TOB2: variants seen among roughly 807,000 people sequenced by gnomAD.
The protein encoded by TOB2 is protein Tob2.
Under a neutral mutation model 17.3 loss-of-function variants are expected in TOB2, and 3 were observed. The observed-to-expected ratio is 0.17, with a 90% CI of 0.08 to 0.45. The LOEUF is 0.45. Among genes scored for constraint, TOB2 ranks in the 20% least tolerant of loss-of-function variants. The probability of loss-of-function intolerance (pLI) is 0.99; values close to 1 mark genes in which losing one functional copy is unlikely to be tolerated. For missense variants in TOB2, 407 were observed against 445.7 expected (o/e 0.91, Z 0.78); for synonymous variants, 163 against 185.6 (o/e 0.88, Z 0.99).
rs1235789089 is a variant in TOB2 at position 41,445,757 on chromosome 22, C to CT, written c.-63+621dup. On this transcript the variant is annotated intron_variant, in intron 1 of 1. Transcript: ENST00000327492. Reference sequence around the variant, plus strand: ...ACTCACTGGCACTGCTCTAAGGGTACTTTTTTCTGCCCAATTTTCCATTAA... The same window carrying CT: ...ACTCACTGGCACTGCTCTAAGGGTACTTTTTTTCTGCCCAATTTTCCATTAA... 2.0e-4 allele frequency among the ~76,000 whole-genome samples: 30 copies of CT among 152,302 alleles called. No homozygotes were observed. In the East Asian group the frequency reaches 4.1e-3, roughly 21 times the overall value.
intron 1 of TOB2, among the ~76,000 whole-genome samples, chr22:41,439,824 C>T (rs1173367439): frequency 6.6e-6 from 1 of 151,794 alleles, no homozygotes; most frequent in Admixed American, 6.6e-5. Context: ...CCTTAAGGGG[C>T]ATTTTTGGGA....
At chr22:41,443,437 A>G (rs1289512667) in intron 1 of TOB2, among the ~76,000 whole-genome samples, 1 of 151,862 alleles carries the variant, frequency 6.6e-6, no homozygotes, top group Non-Finnish European at 1.5e-5. Flanking sequence ...CTCCCGCCTC[A>G]GCCTCCCGAG....
Position 41,436,407 on chromosome 22 carries a change from G to A in TOB2, c.939C>T (p.Phe313=). Residue 313 remains phenylalanine, a synonymous_variant, in exon 2 of 2, where the codon TTC becomes TTT. Coordinates refer to ENST00000327492, the MANE Select transcript of TOB2 (RefSeq NM_016272.4). The surrounding 1 kb of genome is among the most constrained non-coding windows in gnomAD (Gnocchi z 4.8). The part of the protein sequence containing the change: ...QVFGGGANSL[F]LEKTPFVEGL... ...CTTCCACAAAGGGTGTCTTCTCCAG[G>A]AAGAGGCTGTTGGCACCACCTCCAA... The A allele has an allele frequency of 1.9e-6, 3 of 1,614,180 alleles. No individual in the cohort carries two copies. Among genetic ancestry groups the A allele is most frequent in the Non-Finnish European group, 2.5e-6 (3 of 1,180,004 alleles).
At chr22:41,445,751 AG>A (rs974887006) in intron 1 of TOB2, among the ~76,000 whole-genome samples, 1 of 152,158 alleles carries the variant, frequency 6.6e-6, no homozygotes, top group African/African-American at 2.4e-5. Flanking sequence ...CACTGCTCTA[AG>A]GGTACTTTTT....
At chr22:41,439,953 GAGA>G (rs2037595424) in intron 1 of TOB2, among the ~76,000 whole-genome samples, 3 of 152,142 alleles carry the variant, frequency 2.0e-5, no homozygotes, top group Non-Finnish European at 4.4e-5. Flanking sequence ...CTGAGGAACA[GAGA>G]AGGTCACATG....
intron 1 of TOB2, among the ~76,000 whole-genome samples, chr22:41,442,829 G>C (rs2037634032): frequency 6.6e-6 from 1 of 152,078 alleles, no homozygotes; most frequent in African/African-American, 2.4e-5. Flanking sequence ...ATGGAAGTAT[G>C]GTAAGATTAG....
chr22:41,437,377 G>T lies in TOB2; in HGVS notation c.-32C>A, dbSNP rs746179692. 6.9e-6 allele frequency: 11 copies of T among 1,590,922 alleles called. No individual in the cohort carries two copies. The East Asian group carries it at 1.3e-4, about 19-fold the overall frequency. ...TTCCTAGGCAGAGAATCAGCACAGG[G>T]CACGTGTACAGCCTTGGGCTCCAGG... On this transcript the variant is annotated 5_prime_UTR_variant, in exon 2 of 2. Transcript: ENST00000327492.
At chr22:41,441,596 T>TG (rs2037621591) in intron 1 of TOB2, among the ~76,000 whole-genome samples, 1 of 151,844 alleles carries the variant, frequency 6.6e-6, no homozygotes, top group Admixed American at 6.6e-5. Flanking sequence ...CTGGCCAACG[T>TG]GGCGAAACCC....
Position 41,436,722 on chromosome 22 carries a change from C to G in TOB2, c.624G>C (p.Ala208=). Residue 208 remains alanine (A), a synonymous_variant, in exon 2 of 2, where the codon GCG becomes GCC. Transcript: ENST00000327492. This position sits in a 1 kb window ranked among gnomAD's most constrained non-coding sequence, Gnocchi z 4.8. The part of the protein sequence containing the change: ...ASGGGVASSG[A]GGQQPPQQPR... ...GCTGCTGTGGTGGCTGCTGGCCACC[C>G]GCCCCACTGCTGGCTACACCCCCAC... 6.2e-7 allele frequency: 1 copy of G among 1,613,012 alleles called. No homozygotes were observed. The highest frequency in any genetic ancestry group is 2.2e-5 in the East Asian group (1 of 44,866).
Position 41,436,442 on chromosome 22 carries a change from C to A in TOB2, c.904G>T (p.Ala302Ser), listed in dbSNP as rs761931997. 1 of 1,614,214 alleles carries A rather than the reference C, an allele frequency of 6.2e-7. No individual in the cohort carries two copies. ...TTGGCACCACCTCCAAATACCTGGG[C>A]CATGTCAAAGCTGCTGCTGTTGCAG... ...GTCNSSSFDMAQVFGGGANSL... is the reference protein window; with the variant it reads ...GTCNSSSFDMSQVFGGGANSL... The change falls in exon 2 of 2, where the codon GCC becomes TCC. Residue 302 changes from alanine to serine, a missense_variant. Coordinates refer to ENST00000327492, the MANE Select transcript of TOB2 (RefSeq NM_016272.4). The surrounding 1 kb of genome is among the most constrained non-coding windows in gnomAD (Gnocchi z 4.8).
chr22:41,444,360 G>C (rs1009558285), intron 1 of TOB2, among the ~76,000 whole-genome samples: 4 of 152,198 alleles, frequency 2.6e-5, no homozygotes. Flanking sequence ...GCCCCTTTCG[G>C]CTATGAAGAC....
chr22:41,440,048 T>C (rs1330065516), intron 1 of TOB2, among the ~76,000 whole-genome samples: 1 of 152,132 alleles, frequency 6.6e-6, no homozygotes, highest in Non-Finnish European at 1.5e-5. Context: ...CTGGTTTCCC[T>C]CTTTTCCCAG....
At position 41,434,789 on chromosome 22, in the gene TOB2, G is replaced by C. The variant is rs1321956086; in HGVS notation, c.*1522C>G. On this transcript the variant is annotated 3_prime_UTR_variant, in exon 2 of 2. Coordinates refer to ENST00000327492, the MANE Select transcript of TOB2 (RefSeq NM_016272.4). ...ATGCTTGCCTGGCCTCCTAGAGTTG[G>C]AGGAACAAGCCCTCTCCTGGCAGAG... is the stretch of plus-strand genomic sequence containing the variant. 1 of 152,540 alleles carries C rather than the reference G, an allele frequency of 6.6e-6. No individual in the cohort carries two copies. The highest frequency in any genetic ancestry group is 1.9e-4 in the East Asian group (1 of 5,194). 9.4% of individuals were successfully genotyped at this position (152,540 alleles called of 1,614,324 possible).
chr22:41,434,288 C>T lies in TOB2; in HGVS notation c.*2023G>A, dbSNP rs1319835464. 6.5e-6 allele frequency: 1 copy of T among 153,672 alleles called. No individual in the cohort carries two copies. Among genetic ancestry groups the T allele is most frequent in the African/African-American group, 2.4e-5 (1 of 41,410 alleles). The allele number at this position is 153,672 out of a possible 1,614,324, so 9.5% of individuals were successfully genotyped here. ...TTTCAAAAGACACAAAGGGGTTGGT[C>T]TCCCCTCTCTCCCTACATGTGAGAA... On this transcript the variant is annotated 3_prime_UTR_variant, in exon 2 of 2. Coordinates refer to ENST00000327492, the MANE Select transcript of TOB2 (RefSeq NM_016272.4).
intron 1 of TOB2, among the ~76,000 whole-genome samples, chr22:41,439,051 G>A (rs544892831): frequency 2.0e-5 from 3 of 152,314 alleles, no homozygotes; most frequent in African/African-American, 7.2e-5. Context: ...TTATTCCCTT[G>A]GCCTGGGCCA....
chr22:41,439,459 G>A (rs957729029), intron 1 of TOB2, among the ~76,000 whole-genome samples: 9 of 151,720 alleles, frequency 5.9e-5, no homozygotes, highest in African/African-American at 2.2e-4. Context: ...CTCTTAAGGG[G>A]CATTTAATTT....
rs2037512557 is a variant in TOB2 at position 41,433,775 on chromosome 22, C to T, written c.*2536G>A. ...AGAAAACTAGAGAATCTATAACTCA[C>T]TGCATTGAGAAAAACACATCATTCT... On this transcript the variant is annotated 3_prime_UTR_variant, in exon 2 of 2. Coordinates refer to ENST00000327492, the MANE Select transcript of TOB2 (RefSeq NM_016272.4). 1 of 495,132 alleles carries T rather than the reference C, an allele frequency of 2.0e-6. No homozygotes were observed. The highest frequency in any genetic ancestry group is 4.2e-6 in the Non-Finnish European group (1 of 240,232). 30.7% of individuals were successfully genotyped at this position (495,132 alleles called of 1,614,324 possible).
chr22:41,440,072 CTT>C (rs2037596568), intron 1 of TOB2, among the ~76,000 whole-genome samples: 1 of 152,024 alleles, frequency 6.6e-6, no homozygotes, highest in African/African-American at 2.4e-5. Flanking sequence ...CCAACACAGA[CTT>C]CATCTCTAAG....
chr22:41,443,762 T>C (rs2037647800), intron 1 of TOB2, among the ~76,000 whole-genome samples: 1 of 151,874 alleles, frequency 6.6e-6, no homozygotes, highest in Non-Finnish European at 1.5e-5. Context: ...TAACTGGGAT[T>C]ACAGGAATGC....
Sources: gnomAD v4.1 joint callset for allele counts (sites outside exome capture counted in the v4.1 genomes callset) on GRCh38, gnomAD v4.1.1 for gene constraint, Gnocchi (gnomAD v3.1) non-coding constraint, MANE v1.5 for transcripts, NCBI Gene and HGNC (gene_info 2026-07-23, HGNC 2026-07-21) for gene names.